The following PSMA1 variants were observed in gnomAD, a reference collection of about 807,000 sequenced individuals.
The protein encoded by PSMA1 is proteasome subunit alpha type-1.
A neutral mutation model predicts 38.4 loss-of-function variants in PSMA1; 3 were observed. That is an observed-to-expected ratio of 0.08 (90% CI 0.04 to 0.20). The LOEUF (loss-of-function observed/expected upper bound fraction) is 0.20, where lower values mean the gene tolerates loss of function less well. PSMA1 is among the 10% of genes least tolerant of loss of function. PSMA1 has a pLI of 1.00. For synonymous variants in PSMA1, 101 were observed against 107.1 expected, an observed-to-expected ratio of 0.94 and a Z score of 0.35; for missense variants, 227 against 325.3, an observed-to-expected ratio of 0.70 and a Z score of 2.32.
intron 2 of PSMA1, among the ~76,000 whole-genome samples, chr11:14,535,365 A>G (rs372776147): frequency 1.3e-5 from 2 of 152,068 alleles, no homozygotes; most frequent in African/African-American, 4.8e-5. Flanking sequence ...AAATTAAGCA[A>G]TTATTACAGA....
intron 1 of PSMA1, 29 bp from the exon 2 acceptor site, chr11:14,519,070 A>G: frequency 6.7e-7 from 1 of 1,501,012 alleles, no homozygotes; most frequent in Non-Finnish European, 9.2e-7. Context: ...AATACCTGTT[A>G]ATAGAAGAAC....
At chr11:14,564,624 C>CAA (rs897078913) in intron 2 of PSMA1, among the ~76,000 whole-genome samples, 18 of 152,162 alleles carry the variant, frequency 1.2e-4, no homozygotes, top group African/African-American at 4.3e-4. Flanking sequence ...GCCAAACTGT[C>CAA]AGAGTGGCTG....
In PSMA1 at chr11:14,513,866, C is replaced by T. The variant is rs770318291; in HGVS notation, c.365G>A (p.Arg122Gln). Residue 122 changes from arginine to glutamine, a missense_variant, in exon 6 of 10, where the codon CGA becomes CAA. By Grantham distance (43) the Arg-to-Gln change is conservative. Transcript: ENST00000396394. The part of the protein sequence containing the change: ...IGSKTQIPTQ[R>Q]YGRRPYGVGL... ...AACACCATATGGTCTCCGGCCATAT[C>T]GTTGTGTTGGTATCTGGGTCTCTTA... is the stretch of plus-strand genomic sequence containing the variant. 27 of 1,600,804 alleles carry T rather than the reference C, an allele frequency of 1.7e-5. No individual in the cohort carries two copies. Among genetic ancestry groups the T allele is most frequent in the Non-Finnish European group, 2.2e-5 (26 of 1,176,114 alleles).
chr11:14,617,192 GAA>G (rs1852784024), intron 1 of PSMA1, among the ~76,000 whole-genome samples: 1 of 152,144 alleles, frequency 6.6e-6, no homozygotes, highest in African/African-American at 2.4e-5. Context: ...CTCTGGGAAG[GAA>G]AGAGTTGAGG....
At chr11:14,533,308 T>G (rs971576340) in intron 2 of PSMA1, among the ~76,000 whole-genome samples, 1 of 152,198 alleles carries the variant, frequency 6.6e-6, no homozygotes, top group African/African-American at 2.4e-5. Flanking sequence ...CTCTCCACAT[T>G]GATTTGGTGC....
intron 2 of PSMA1, among the ~76,000 whole-genome samples, chr11:14,559,046 C>T (rs1019032410): frequency 6.6e-6 from 1 of 152,076 alleles, no homozygotes; most frequent in African/African-American, 2.4e-5. Flanking sequence ...ATAGTTGTGT[C>T]CTTAATATCA....
chr11:14,642,938 G>C (rs961689073), intron 1 of PSMA1, among the ~76,000 whole-genome samples: 2 of 152,126 alleles, frequency 1.3e-5, no homozygotes, highest in Non-Finnish European at 2.9e-5. Context: ...TGCTGTTACA[G>C]TGAAAAAGCC....
chr11:14,641,976 GC>G (rs750170478), intron 1 of PSMA1, among the ~76,000 whole-genome samples: 1 of 152,108 alleles, frequency 6.6e-6, no homozygotes, highest in Non-Finnish European at 1.5e-5. Flanking sequence ...TTGCTTAATG[GC>G]AGAGTATGAA....
At chr11:14,602,511 T>C (rs1372502987) in intron 2 of PSMA1, among the ~76,000 whole-genome samples, 1 of 152,076 alleles carries the variant, frequency 6.6e-6, no homozygotes, top group African/African-American at 2.4e-5. Flanking sequence ...TATATATGTA[T>C]ATGTATATAT....
chr11:14,566,346 G>T (rs1432905216), intron 2 of PSMA1, among the ~76,000 whole-genome samples: 1 of 152,182 alleles, frequency 6.6e-6, no homozygotes, highest in African/African-American at 2.4e-5. Flanking sequence ...GCAATGAGAA[G>T]TGATTATATT....
intron 2 of PSMA1, among the ~76,000 whole-genome samples, chr11:14,527,749 A>G (rs1421701037): frequency 6.6e-6 from 1 of 152,172 alleles, no homozygotes; most frequent in East Asian, 1.9e-4. Flanking sequence ...TCTGTCAGAC[A>G]TAATTCCTCA....
chr11:14,533,054 G>A lies in PSMA1; in HGVS notation c.22-14013C>T, dbSNP rs187293939. 1.8e-3 allele frequency among the ~76,000 whole-genome samples: 273 copies of A among 152,228 alleles called. 1 individual carries two copies. The highest frequency in any genetic ancestry group is 6.2e-3 in the African/African-American group (259 of 41,540). ...CCTGAGAATATATTTTCCAATATGT[G>A]TAACATGTATATACATCGTGTGTAC... On this transcript the variant is annotated intron_variant, in intron 2 of 10. Transcript: ENST00000418988.
chr11:14,590,765 G>T (rs1852403270), intron 2 of PSMA1, among the ~76,000 whole-genome samples: 2 of 152,206 alleles, frequency 1.3e-5, no homozygotes, highest in African/African-American at 2.4e-5. Context: ...ACAAACGCAA[G>T]ATCAAAACCC....
Position 14,513,703 on chromosome 11 carries a change from C to T in PSMA1, c.415-4G>A. 1 of 1,571,054 alleles carries T rather than the reference C, an allele frequency of 6.4e-7. No homozygotes were observed. Among genetic ancestry groups the T allele is most frequent in the Non-Finnish European group, 8.6e-7 (1 of 1,165,986 alleles). Reference sequence around the variant, plus strand: ...GGAAAATGTGAGGGCCCATATCCTACAAATAGAAATAAATACACCACATAA... The same window carrying T: ...GGAAAATGTGAGGGCCCATATCCTATAAATAGAAATAAATACACCACATAA... On this transcript the variant is annotated splice_region_variant and splice_polypyrimidine_tract_variant and intron_variant, in intron 6 of 9. Transcript: ENST00000396394.
At chr11:14,628,629 G>A (rs1042063746) in intron 1 of PSMA1, among the ~76,000 whole-genome samples, 9 of 147,356 alleles carry the variant, frequency 6.1e-5, no homozygotes, top group East Asian at 4.0e-4. Context: ...ATAAACATAC[G>A]TGTGCATGTG....
Position 14,573,308 on chromosome 11 carries a change from T to C in PSMA1, c.21+37658A>G, listed in dbSNP as rs139045621. On this transcript the variant is annotated intron_variant, in intron 2 of 10. Transcript: ENST00000418988. ...ATCCAGCAGCACATCAAAAAGCTTA[T>C]CCACCATGATCAAGGGGGCTTCGTC... Among the ~76,000 whole-genome samples the C allele has an allele frequency of 9.6e-3, 1,462 of 152,268 alleles. 18 individuals are homozygous for C. The highest frequency in any genetic ancestry group is 0.033 in the African/African-American group (1,380 of 41,554).
At chr11:14,590,868 T>C (rs1554971614) in intron 2 of PSMA1, among the ~76,000 whole-genome samples, 1 of 152,236 alleles carries the variant, frequency 6.6e-6, no homozygotes, top group South Asian at 2.1e-4. Context: ...CAAACGACTT[T>C]ATATGGCGGA....
At chr11:14,532,225 T>A (rs1158802916) in intron 2 of PSMA1, among the ~76,000 whole-genome samples, 1 of 152,214 alleles carries the variant, frequency 6.6e-6, no homozygotes, top group Non-Finnish European at 1.5e-5. Flanking sequence ...CTAAGTTTAT[T>A]ATCTATGCCC....
intron 2 of PSMA1, among the ~76,000 whole-genome samples, chr11:14,610,209 CAT>C (rs1332691717): frequency 1.3e-5 from 2 of 152,238 alleles, no homozygotes; most frequent in Non-Finnish European, 2.9e-5. Flanking sequence ...AAAATCTTCA[CAT>C]GATGGCAGCC....
Sources: gnomAD v4.1 joint callset for allele counts (sites outside exome capture counted in the v4.1 genomes callset) on GRCh38, gnomAD v4.1.1 for gene constraint, MANE v1.5 for transcripts, NCBI Gene and HGNC (gene_info 2026-07-23, HGNC 2026-07-21) for gene names.